RERE: variants seen among roughly 807,000 people sequenced by gnomAD.
RERE encodes arginine-glutamic acid dipeptide repeats.
In RERE, 40 loss-of-function variants were observed where a neutral mutation model predicts 146.1. The ratio of observed to expected loss-of-function variants is 0.27; its 90% CI spans 0.21 to 0.36. RERE has a LOEUF of 0.36. Among genes scored for constraint, RERE ranks in the 10% least tolerant of loss-of-function variants. The probability of loss-of-function intolerance (pLI) is 1.00; values close to 1 mark genes in which losing one functional copy is unlikely to be tolerated. For synonymous variants in RERE, 1,003 were observed against 866.0 expected (o/e 1.16, Z -2.78); for missense variants, 1,933 against 2,138.7 (o/e 0.90, Z 1.90).
intron 1 of RERE, among the ~76,000 whole-genome samples, chr1:8,755,120 T>C (rs1027827426): frequency 2.0e-5 from 3 of 152,224 alleles, no homozygotes; most frequent in African/African-American, 7.2e-5. Flanking sequence ...TTAAATACCA[T>C]GGCAAGAGGG....
intron 12 of RERE, among the ~76,000 whole-genome samples, chr1:8,398,493 C>T (rs1192032605): frequency 6.6e-6 from 1 of 152,244 alleles, no homozygotes; most frequent in Non-Finnish European, 1.5e-5. Context: ...AGATCCTCTT[C>T]TATTAACAAC....
chr1:8,531,966 G>C (rs1158040363), intron 7 of RERE, among the ~76,000 whole-genome samples: 4 of 152,202 alleles, frequency 2.6e-5, no homozygotes, highest in African/African-American at 9.6e-5. Context: ...AAATGCTTGA[G>C]GGGGTGGACA....
chr1:8,785,708 G>A (rs546467243), intron 1 of RERE, among the ~76,000 whole-genome samples: 9 of 152,172 alleles, frequency 5.9e-5, no homozygotes, highest in African/African-American at 1.7e-4. Context: ...TGCAACCTCC[G>A]CCTCCCGGGT....
rs992575920 is a variant in RERE at position 8,614,472 on chromosome 1, A to G, written c.522+89T>C. The stretch of plus-strand genomic sequence containing the variant: ...CACATATAATACAGCACATTTTAAA[A>G]GGGGCTCTGGGGAGGGAGGTAATAT... On this transcript the variant is annotated intron_variant, in intron 4 of 22. Coordinates refer to ENST00000400908, the MANE Select transcript of RERE (RefSeq NM_001042681.2). 8.0e-5 allele frequency: 108 copies of G among 1,347,576 alleles called. 1 individual carries two copies. Among genetic ancestry groups the G allele is most frequent in the Non-Finnish European group, 9.1e-5 (89 of 982,600 alleles). The allele number at this position is 1,347,576 out of a possible 1,614,324, so 83.5% of individuals were successfully genotyped here. A position where few individuals can be genotyped will look rare whatever the true frequency, so the allele number is the denominator to read the frequency against.
At chr1:8,482,041 G>A (rs1452568600) in intron 10 of RERE, among the ~76,000 whole-genome samples, 10 of 152,116 alleles carry the variant, frequency 6.6e-5, no homozygotes, top group African/African-American at 2.2e-4. Context: ...CCACCACACG[G>A]ATGATGCCTG....
chr1:8,792,509 A>C (rs908952643), intron 1 of RERE: 2 of 152,152 alleles, frequency 1.3e-5, no homozygotes, highest in African/African-American at 4.8e-5. Flanking sequence ...GCTCTCCACA[A>C]ATCTTCTCTG....
chr1:8,745,552 G>T (rs886216843), intron 1 of RERE, among the ~76,000 whole-genome samples: 3 of 151,912 alleles, frequency 2.0e-5, no homozygotes, highest in African/African-American at 7.3e-5. Flanking sequence ...TGTCATGATC[G>T]CCTGGCTAAA....
chr1:8,787,174 C>T (rs1049202215), intron 1 of RERE, among the ~76,000 whole-genome samples: 1 of 152,186 alleles, frequency 6.6e-6, no homozygotes, highest in Non-Finnish European at 1.5e-5. Flanking sequence ...GTTCCTTGAC[C>T]AAACCAGCAG....
At chr1:8,382,036 T>C (rs1379961692) in intron 12 of RERE, among the ~76,000 whole-genome samples, 1 of 152,242 alleles carries the variant, frequency 6.6e-6, no homozygotes, top group Non-Finnish European at 1.5e-5. Context: ...GGAAAGTGGT[T>C]ACAGTCAAAA....
At chr1:8,518,208 T>G (rs1034415170) in intron 7 of RERE, among the ~76,000 whole-genome samples, 4 of 152,078 alleles carry the variant, frequency 2.6e-5, no homozygotes, top group African/African-American at 9.7e-5. Context: ...GAAGAACACA[T>G]GAACAGAAGG....
At chr1:8,664,463 C>G (rs10864360) in intron 1 of RERE, among the ~76,000 whole-genome samples, 1 of 151,898 alleles carries the variant, frequency 6.6e-6, no homozygotes, top group African/African-American at 2.4e-5. Flanking sequence ...TCTACCAGAT[C>G]TCCCCTTCAG....
At chr1:8,714,694 G>C (rs1020825383) in intron 1 of RERE, among the ~76,000 whole-genome samples, 13 of 152,144 alleles carry the variant, frequency 8.5e-5, no homozygotes, top group Non-Finnish European at 1.6e-4. Flanking sequence ...TGGGTTCCAG[G>C]AGGATAGCAC....
At chr1:8,622,066 C>T (rs1298366612) in intron 3 of RERE, among the ~76,000 whole-genome samples, 2 of 152,214 alleles carry the variant, frequency 1.3e-5, no homozygotes. Flanking sequence ...CTACTTCCCA[C>T]ACTGTTTTTG....
chr1:8,371,562 G>T (rs752690217), intron 12 of RERE, among the ~76,000 whole-genome samples: 1 of 152,186 alleles, frequency 6.6e-6, no homozygotes, highest in Non-Finnish European at 1.5e-5. Context: ...GGACAGCTCA[G>T]CGGCAGCCGC....
chr1:8,525,665 A>G (rs1645561014), intron 7 of RERE: 1 of 1,328,080 alleles, frequency 7.5e-7, no homozygotes, highest in South Asian at 1.5e-5. Context: ...AACATGCACT[A>G]TGAATGATGA....
chr1:8,368,979 T>C (rs950846693), intron 12 of RERE, among the ~76,000 whole-genome samples: 8 of 151,986 alleles, frequency 5.3e-5, no homozygotes, highest in Non-Finnish European at 1.0e-4. Context: ...GCAGGAGGAT[T>C]GCTTGAGGCC....
chr1:8,359,786 T>G lies in RERE; in HGVS notation c.3596A>C (p.Glu1199Ala). 1 of 1,601,476 alleles carries G rather than the reference T, an allele frequency of 6.2e-7. No homozygotes were observed. Among genetic ancestry groups the G allele is most frequent in the Non-Finnish European group, 8.5e-7 (1 of 1,178,928 alleles). ...EKERERERER[E>A]REAERAAKAS... ...CACAGCCGCCCGCTCTGCCTCGCGC[T>G]CCCGCTCTCGCTCCCGCTCCCGCTC... Residue 1199 changes from glutamate to alanine, a missense_variant, in exon 19 of 23, where the codon GAG becomes GCG. By Grantham distance (107) the Glu-to-Ala change is moderately radical (BLOSUM62 -1). Coordinates refer to ENST00000400908, the MANE Select transcript of RERE (RefSeq NM_001042681.2).
intron 4 of RERE, 134 bp from the exon 5 acceptor site, chr1:8,557,657 C>A: frequency 3.0e-6 from 2 of 666,076 alleles, no homozygotes; most frequent in South Asian, 3.4e-5. Flanking sequence ...ATCAGGACCA[C>A]AACAATACAT....
intron 4 of RERE, among the ~76,000 whole-genome samples, chr1:8,605,274 A>G (rs1646689091): frequency 6.6e-6 from 1 of 152,210 alleles, no homozygotes; most frequent in Admixed American, 6.5e-5. Context: ...CTGGGACTAC[A>G]GGCACATGCC....
Sources: gnomAD v4.1 joint callset for allele counts (sites outside exome capture counted in the v4.1 genomes callset) on GRCh38, gnomAD v4.1.1 for gene constraint, MANE v1.5 for transcripts, NCBI Gene and HGNC (gene_info 2026-07-23, HGNC 2026-07-21) for gene names.